Variants in LITAF observed in about 807,000 individuals in gnomAD.
LITAF encodes lipopolysaccharide induced TNF factor, also known as lipopolysaccharide-induced tumor necrosis factor-alpha factor.
Under a neutral mutation model 14.5 loss-of-function variants are expected in LITAF, and 9 were observed. The observed-to-expected ratio is 0.62, with a 90% CI of 0.37 to 1.08. The LOEUF is 1.08. LITAF is among the 50% of genes least tolerant of loss of function. The pLI is 0.01. For synonymous variants in LITAF, 98 were observed against 88.2 expected (o/e 1.11, Z -0.62); for missense variants, 206 against 213.4 (o/e 0.97, Z 0.22).
At chr16:11,581,991 C>T (rs572925795) in intron 1 of LITAF, among the ~76,000 whole-genome samples, 2 of 152,066 alleles carry the variant, frequency 1.3e-5, no homozygotes, top group Non-Finnish European at 2.9e-5. Context: ...AGTTACAGTT[C>T]AATGGGAGGA....
Position 11,553,544 on chromosome 16 carries a change from C to T in LITAF, c.366G>A (p.Leu122=). ...GGAGGCAGACTCACCCCAGCAGGCACAGGCTCCCGCAGGACAGCCAGGTCA... is the reference window on the plus strand; with the variant it reads ...GGAGGCAGACTCACCCCAGCAGGCATAGGCTCCCGCAGGACAGCCAGGTCA... ...GALTWLSCGS[L]CLLGCIAGCC... Residue 122 remains leucine (L), a synonymous_variant, in exon 3 of 4, where the codon CTG becomes CTA. Transcript: ENST00000622633. The surrounding 1 kb of genome is among the most constrained non-coding windows in gnomAD (Gnocchi z 7.7). 1 of 1,614,088 alleles carries T rather than the reference C, an allele frequency of 6.2e-7. No homozygotes were observed. The highest frequency in any genetic ancestry group is 1.1e-5 in the South Asian group (1 of 91,086).
chr16:11,553,517 T>C lies in LITAF; in HGVS notation c.377+16A>G, dbSNP rs1597329113. On this transcript the variant is annotated intron_variant, in intron 3 of 3. Transcript: ENST00000622633. The surrounding 1 kb of genome is among the most constrained non-coding windows in gnomAD (Gnocchi z 7.7). ...AAGGGCAGGATGGCTTGGGGCCAAG[T>C]GGGAGGCAGACTCACCCCAGCAGGC... 10 of 1,613,330 alleles carry C rather than the reference T, an allele frequency of 6.2e-6. No homozygotes were observed. Among genetic ancestry groups the C allele is most frequent in the Non-Finnish European group, 8.5e-6 (10 of 1,179,826 alleles).
chr16:11,580,481 C>A lies in LITAF; in HGVS notation c.-6+6405G>T, dbSNP rs528770077. The stretch of plus-strand genomic sequence containing the variant: ...CCATGTTGGCCAGGCTGTTCTTGAA[C>A]TCCTGACCTCATGATCCACCCACCT... On this transcript the variant is annotated intron_variant, in intron 1 of 3. Coordinates refer to ENST00000622633, the MANE Select transcript of LITAF (RefSeq NM_001136472.2). 3.3e-5 allele frequency among the ~76,000 whole-genome samples: 5 copies of A among 152,290 alleles called. No homozygotes were observed. The South Asian group carries it at 6.2e-4, about 19-fold the overall frequency.
At chr16:11,599,353 G>C (rs1407063680), upstream of LITAF, among the ~76,000 whole-genome samples, 1 of 152,122 alleles carries the variant, frequency 6.6e-6, no homozygotes, top group Non-Finnish European at 1.5e-5. Context: ...CCTGACCTCA[G>C]ATGATCCACC....
rs927219695 is a variant in LITAF, at chr16:11,549,628, G to A, written c.*9C>T. On this transcript the variant is annotated 3_prime_UTR_variant, in exon 4 of 4. Coordinates refer to ENST00000622633, the MANE Select transcript of LITAF (RefSeq NM_001136472.2). This position sits in a 1 kb window ranked among gnomAD's most constrained non-coding sequence, Gnocchi z 4.6. ...GCGGCACCCGGCTCCCTCCACGTCT[G>A]GCTGAGTCCTACAAACGCTTGTAGG... is the stretch of plus-strand genomic sequence containing the variant. 1 of 1,605,552 alleles carries A rather than the reference G, an allele frequency of 6.2e-7. No individual in the cohort carries two copies. Among genetic ancestry groups the A allele is most frequent in the African/African-American group, 1.3e-5 (1 of 74,724 alleles).
rs191922579 is a variant in LITAF at position 11,634,374 on chromosome 16, C to A, written c.-20-737G>T. On this transcript the variant is annotated intron_variant, in intron 2 of 3. Transcript: ENST00000574848. This position sits in a 1 kb window ranked among gnomAD's most constrained non-coding sequence, Gnocchi z 4.1. ...GATTCCCTTCCCCAAAACTCAACCG[C>A]CTTTGTGAAGGTAACAAAAGGCCAC... Among the ~76,000 whole-genome samples, 87 of 152,276 alleles carry A rather than the reference C, an allele frequency of 5.7e-4. No individual in the cohort carries two copies. Among genetic ancestry groups the A allele is most frequent in the Middle Eastern group, 3.4e-3 (1 of 294 alleles).
intron 3 of LITAF, among the ~76,000 whole-genome samples, chr16:11,626,325 C>T (rs2065083624): frequency 6.6e-6 from 1 of 151,702 alleles, no homozygotes; most frequent in South Asian, 2.1e-4. Context: ...ACTACAGGCT[C>T]ATACCACCAT....
At chr16:11,601,163 G>T (rs1302215570), upstream of LITAF, among the ~76,000 whole-genome samples, 1 of 151,936 alleles carries the variant, frequency 6.6e-6, no homozygotes, top group Non-Finnish European at 1.5e-5. Flanking sequence ...CACACAGGCG[G>T]CCCTCCAGAC....
chr16:11,627,012 A>G (rs1343065239), intron 3 of LITAF, among the ~76,000 whole-genome samples: 1 of 151,854 alleles, frequency 6.6e-6, no homozygotes, highest in East Asian at 1.9e-4. Context: ...CTGGCTAAAC[A>G]AGCTTCTTCC....
In LITAF at chr16:11,549,442, C is replaced by CACG; in HGVS notation, c.*192_*194dup. ...GGGGAATGTCTTTGCAAGTCCTATG[C>CACG]ACGACTCCAAGCAGCAATTTCTGGG... On this transcript the variant is annotated 3_prime_UTR_variant, in exon 4 of 4. Coordinates refer to ENST00000622633, the MANE Select transcript of LITAF (RefSeq NM_001136472.2). This position sits in a 1 kb window ranked among gnomAD's most constrained non-coding sequence, Gnocchi z 4.6. 1 of 640,788 alleles carries CACG rather than the reference C, an allele frequency of 1.6e-6. No individual in the cohort carries two copies. Among genetic ancestry groups the CACG allele is most frequent in the Middle Eastern group, 2.5e-4 (1 of 4,056 alleles). The allele number at this position is 640,788 out of a possible 1,614,324, so 39.7% of individuals were successfully genotyped here.
intron 3 of LITAF, among the ~76,000 whole-genome samples, chr16:11,552,984 G>A (rs1403555162): frequency 1.3e-5 from 2 of 151,760 alleles, no homozygotes; most frequent in African/African-American, 4.8e-5. Flanking sequence ...GCCTGACGGT[G>A]CACACCTGTA....
chr16:11,554,790 A>G (rs1404015860), intron 2 of LITAF, among the ~76,000 whole-genome samples: 2 of 145,606 alleles, frequency 1.4e-5, no homozygotes, highest in African/African-American at 2.6e-5. Context: ...TCTACCTCAA[A>G]AAAAAAAAAA....
chr16:11,612,343 G>C (rs867474055), intron 3 of LITAF, among the ~76,000 whole-genome samples: 4 of 152,336 alleles, frequency 2.6e-5, no homozygotes, highest in Non-Finnish European at 5.9e-5. Context: ...CATCATTCTT[G>C]TGAAAAGGGG....
chr16:11,625,787 A>G (rs1216820529), intron 3 of LITAF, among the ~76,000 whole-genome samples: 1 of 152,186 alleles, frequency 6.6e-6, no homozygotes, highest in Non-Finnish European at 1.5e-5. Flanking sequence ...CGCTGGAGAC[A>G]GAAAGAGCCC....
At chr16:11,639,622 A>ATT (rs2065156608), upstream of LITAF, among the ~76,000 whole-genome samples, 6 of 23,996 alleles carry the variant, frequency 2.5e-4, no homozygotes, top group Non-Finnish European at 1.3e-3. Context: ...AGATTTTTAA[A>ATT]AAAAAAAAAG....
chr16:11,610,115 C>G (rs1370923530), intron 3 of LITAF, among the ~76,000 whole-genome samples: 1 of 152,196 alleles, frequency 6.6e-6, no homozygotes, highest in Non-Finnish European at 1.5e-5. Context: ...TGGGACTCAC[C>G]CTGCAAAATA....
intron 1 of LITAF, among the ~76,000 whole-genome samples, chr16:11,593,558 T>C (rs1309189355): frequency 1.3e-5 from 2 of 152,070 alleles, no homozygotes; most frequent in Non-Finnish European, 2.9e-5. Context: ...CTATTCCCAA[T>C]AGTTAAAAGG....
upstream of LITAF, among the ~76,000 whole-genome samples, chr16:11,637,636 A>G (rs1046927387): frequency 6.6e-6 from 1 of 152,118 alleles, no homozygotes; most frequent in Non-Finnish European, 1.5e-5. Flanking sequence ...GCTCACGCCT[A>G]TATTCCCAGC....
intron 1 of LITAF, among the ~76,000 whole-genome samples, chr16:11,559,379 G>T (rs1009631490): frequency 1.3e-5 from 2 of 152,140 alleles, no homozygotes; most frequent in Non-Finnish European, 2.9e-5. Flanking sequence ...CAATTTAAAT[G>T]TGAAAACTAA....
Sources: allele counts gnomAD v4.1 joint callset (sites outside exome capture counted in the v4.1 genomes callset), GRCh38; gene constraint gnomAD v4.1.1; non-coding constraint Gnocchi (gnomAD v3.1); transcripts MANE v1.5; gene names NCBI Gene and HGNC (gene_info 2026-07-23, HGNC 2026-07-21).